The following NEDD4 variants were observed in gnomAD, a reference collection of about 807,000 sequenced individuals.
NEDD4 encodes the protein NEDD4 E3 ubiquitin protein ligase.
Under a neutral mutation model 144.9 loss-of-function variants are expected in NEDD4, and 99 were observed. That is an observed-to-expected ratio of 0.68 (90% CI 0.58 to 0.81). NEDD4 has a LOEUF of 0.81. Ranked by LOEUF, NEDD4 falls within the 30% of genes least tolerant of loss-of-function variation. The pLI is 0.00. For missense variants in NEDD4, 985 were observed against 1,065.9 expected (o/e 0.92, Z 1.06); for synonymous variants, 318 against 350.6 (o/e 0.91, Z 1.04).
At chr15:55,920,398 A>T (rs1190663924) in intron 5 of NEDD4, among the ~76,000 whole-genome samples, 1 of 152,126 alleles carries the variant, frequency 6.6e-6, no homozygotes. Context: ...TATATCTTAG[A>T]CTGGTGACAC....
At chr15:55,831,949 C>G (rs1325770035) in intron 27 of NEDD4, among the ~76,000 whole-genome samples, 1 of 152,034 alleles carries the variant, frequency 6.6e-6, no homozygotes, top group Non-Finnish European at 1.5e-5. Flanking sequence ...GAATATGAAT[C>G]AATATGAGAA....
rs753931145 is a variant in NEDD4 at position 55,848,357 on chromosome 15, G to A, written c.1542+15C>T. The A allele has an allele frequency of 3.1e-6, 5 of 1,613,114 alleles. No homozygotes were observed. The highest frequency in any genetic ancestry group is 4.2e-6 in the Non-Finnish European group (5 of 1,179,234). ...GCGGACAGTCCCATCAGAGCACACTGGCAGAGAGACTTACTGGTCCAGTTA... is the reference window on the plus strand; with the variant it reads ...GCGGACAGTCCCATCAGAGCACACTAGCAGAGAGACTTACTGGTCCAGTTA... On this transcript the variant is annotated intron_variant, in intron 17 of 28. Transcript: ENST00000435532.
chr15:55,984,761 C>T (rs1595890004), intron 1 of NEDD4, among the ~76,000 whole-genome samples: 1 of 152,316 alleles, frequency 6.6e-6, no homozygotes, highest in East Asian at 1.9e-4. Flanking sequence ...TATCCCCTCC[C>T]CATTCATTTA....
chr15:55,989,471 G>T (rs1203140216), intron 1 of NEDD4, among the ~76,000 whole-genome samples: 1 of 152,144 alleles, frequency 6.6e-6, no homozygotes. Context: ...TGGGAAGTTT[G>T]TTCCCAGACT....
chr15:55,921,636 C>T (rs1393911801), intron 5 of NEDD4, among the ~76,000 whole-genome samples: 5 of 152,008 alleles, frequency 3.3e-5, no homozygotes, highest in Non-Finnish European at 4.4e-5. Flanking sequence ...ACAGGTGTTA[C>T]AATATTTTGA....
chr15:55,989,172 G>A (rs2037948856), intron 1 of NEDD4, among the ~76,000 whole-genome samples: 1 of 152,052 alleles, frequency 6.6e-6, no homozygotes, highest in Admixed American at 6.6e-5. Context: ...GTAGGCAGAG[G>A]GTGCAGTGAG....
chr15:55,958,115 T>C (rs532097387), intron 2 of NEDD4, among the ~76,000 whole-genome samples: 3 of 150,616 alleles, frequency 2.0e-5, no homozygotes, highest in Admixed American at 6.6e-5. Context: ...ACTTAACGTA[T>C]AATAAAAAAA....
At chr15:55,930,734 G>A (rs573911741) in intron 4 of NEDD4, among the ~76,000 whole-genome samples, 2 of 152,260 alleles carry the variant, frequency 1.3e-5, no homozygotes, top group South Asian at 4.1e-4. Context: ...TGTTCTCCTG[G>A]TAATGAATAA....
At chr15:55,921,297 T>C (rs1429818883) in intron 5 of NEDD4, among the ~76,000 whole-genome samples, 1 of 152,106 alleles carries the variant, frequency 6.6e-6, no homozygotes, top group Non-Finnish European at 1.5e-5. Flanking sequence ...TAGAATTTCT[T>C]AGTCCTTAGT....
chr15:55,925,371 T>C (rs906623713), intron 4 of NEDD4, among the ~76,000 whole-genome samples: 1 of 152,224 alleles, frequency 6.6e-6, no homozygotes, highest in Non-Finnish European at 1.5e-5. Flanking sequence ...TATTAATCAG[T>C]TTAGAGCCAC....
chr15:55,842,608 G>A (rs1044407324), intron 18 of NEDD4, among the ~76,000 whole-genome samples: 1 of 152,132 alleles, frequency 6.6e-6, no homozygotes, highest in South Asian at 2.1e-4. Context: ...AAACTCCTAA[G>A]CTCTAGCAAT....
intron 1 of NEDD4, among the ~76,000 whole-genome samples, chr15:55,982,579 T>C (rs1279178750): frequency 2.6e-5 from 4 of 151,864 alleles, no homozygotes; most frequent in Non-Finnish European, 5.9e-5. Context: ...CTATAGAGAG[T>C]AGACGGGCAG....
At chr15:55,918,805 T>C (rs2036514769) in intron 5 of NEDD4, among the ~76,000 whole-genome samples, 2 of 152,208 alleles carry the variant, frequency 1.3e-5, no homozygotes, top group African/African-American at 4.8e-5. Flanking sequence ...TTTATGATTT[T>C]ACAGACTTCA....
chr15:55,971,327 A>G (rs1466079712), intron 1 of NEDD4, among the ~76,000 whole-genome samples: 1 of 152,164 alleles, frequency 6.6e-6, no homozygotes, highest in Non-Finnish European at 1.5e-5. Context: ...CAAAAGGGCA[A>G]AGTTAACAGT....
chr15:55,930,632 A>T (rs2036761282), intron 4 of NEDD4, among the ~76,000 whole-genome samples: 1 of 152,168 alleles, frequency 6.6e-6, no homozygotes, highest in Non-Finnish European at 1.5e-5. Context: ...CTGTGTCCCT[A>T]CCCAAATTTC....
intron 5 of NEDD4, among the ~76,000 whole-genome samples, chr15:55,897,399 G>A (rs1242782828): frequency 6.6e-6 from 1 of 152,142 alleles, no homozygotes; most frequent in Non-Finnish European, 1.5e-5. Context: ...TTCCAAGAAG[G>A]AAATAGGAAT....
At chr15:55,970,424 T>C (rs28834765) in intron 1 of NEDD4, among the ~76,000 whole-genome samples, 117,953 of 152,010 alleles carry the variant, frequency 0.78, 45,978 homozygotes, top group African/African-American at 0.84. Context: ...TAAACACAAG[T>C]GGTAGCCAGG....
chr15:55,906,036 C>G (rs370368436), intron 5 of NEDD4, among the ~76,000 whole-genome samples: 13,431 of 152,168 alleles, frequency 0.088, 665 homozygotes, highest in Middle Eastern at 0.16. Flanking sequence ...AAAAAATGCT[C>G]ATCATCACTG....
intron 9 of NEDD4, among the ~76,000 whole-genome samples, 170 bp from the exon 10 acceptor site, chr15:55,860,948 T>A (rs531980097): frequency 6.6e-6 from 1 of 152,344 alleles, no homozygotes; most frequent in Non-Finnish European, 1.5e-5. Flanking sequence ...GTAGGCAGAC[T>A]GGTATATTTA....
Sources: allele counts gnomAD v4.1 joint callset (sites outside exome capture counted in the v4.1 genomes callset), GRCh38; gene constraint gnomAD v4.1.1; transcripts MANE v1.5; gene names NCBI Gene and HGNC (gene_info 2026-07-23, HGNC 2026-07-21).